Variants in SYNE1 observed in about 807,000 individuals in gnomAD.
The protein encoded by SYNE1 is spectrin repeat containing nuclear envelope protein 1, also known as nesprin-1.
Under a neutral mutation model 1,111.0 loss-of-function variants are expected in SYNE1, and 616 were observed. The ratio of observed to expected loss-of-function variants is 0.55; its 90% CI spans 0.52 to 0.59. SYNE1 has a LOEUF of 0.59. Among genes scored for constraint, SYNE1 ranks in the 20% least tolerant of loss-of-function variants. SYNE1 has a pLI of 0.00. For missense variants in SYNE1, 10,006 were observed against 10,417.0 expected (o/e 0.96, Z 1.72); for synonymous variants, 3,855 against 3,825.8 (o/e 1.01, Z -0.28).
At chr6:152,268,930 AC>A (rs1189934656) in intron 99 of SYNE1, among the ~76,000 whole-genome samples, 1 of 152,218 alleles carries the variant, frequency 6.6e-6, no homozygotes, top group Non-Finnish European at 1.5e-5. Context: ...CTATTTGTAA[AC>A]CTAAACACAA....
intron 95 of SYNE1, among the ~76,000 whole-genome samples, chr6:152,287,263 GA>G (rs967278259): frequency 1.3e-5 from 2 of 151,908 alleles, no homozygotes; most frequent in African/African-American, 4.8e-5. Flanking sequence ...AGAAAGAGGT[GA>G]AAATTCTTCT....
In SYNE1 at chr6:152,453,528, C is replaced by T. The variant is rs761255097; in HGVS notation, c.3027+58G>A. On this transcript the variant is annotated intron_variant, in intron 25 of 145. Transcript: ENST00000367255. The stretch of plus-strand genomic sequence containing the variant: ...TTTCTCTTACATTTGGACCTTAACA[C>T]GCTCAAGCTTCTCCCTTCATTGAGG... 2.9e-5 allele frequency: 47 copies of T among 1,613,246 alleles called. No homozygotes were observed. In the South Asian group the frequency reaches 3.7e-4, roughly 13 times the overall value.
chr6:152,522,438 G>A (rs926690501), intron 5 of SYNE1, among the ~76,000 whole-genome samples: 6 of 151,944 alleles, frequency 3.9e-5, no homozygotes, highest in South Asian at 2.1e-4. Context: ...TATATATCAC[G>A]TTTTCTTTAT....
At position 152,451,287 on chromosome 6, in the gene SYNE1, A is replaced by T. The variant is rs543112029; in HGVS notation, c.3028-82T>A. On this transcript the variant is annotated intron_variant, in intron 25 of 145. Coordinates refer to ENST00000367255, the MANE Select transcript of SYNE1 (RefSeq NM_182961.4). ...CCCAATTGAAGTGGCAAAAAAAAAAACAAAAACCATAACATATTCCTTTTA... is the reference window on the plus strand; with the variant it reads ...CCCAATTGAAGTGGCAAAAAAAAAATCAAAAACCATAACATATTCCTTTTA... The T allele has an allele frequency of 9.1e-6, 11 of 1,210,018 alleles. No individual in the cohort carries two copies. In the African/African-American group the frequency reaches 1.3e-4, roughly 14 times the overall value. 75.0% of individuals were successfully genotyped at this position (1,210,018 alleles called of 1,614,324 possible). A position where few individuals can be genotyped will look rare whatever the true frequency, so the allele number is the denominator to read the frequency against.
rs761843408 is a variant in SYNE1 at position 152,125,285 on chromosome 6, A to C, written c.26154-2609T>G. 19 of 1,550,478 alleles carry C rather than the reference A, an allele frequency of 1.2e-5. 1 individual carries two copies. The highest frequency in any genetic ancestry group is 1.7e-4 in the Middle Eastern group (1 of 5,992). Reference sequence around the variant, plus strand: ...TCACAGGTATCTCACATGTAGAAGCAAAGAAGAGAATCCTGAACTTGCATC... The same window carrying C: ...TCACAGGTATCTCACATGTAGAAGCCAAGAAGAGAATCCTGAACTTGCATC... On this transcript the variant is annotated intron_variant, in intron 145 of 145. Transcript: ENST00000367255.
At chr6:152,306,347 A>G (rs1287166383) in intron 91 of SYNE1, among the ~76,000 whole-genome samples, 4 of 151,896 alleles carry the variant, frequency 2.6e-5, no homozygotes, top group African/African-American at 9.7e-5. Flanking sequence ...TTATCAGGGC[A>G]TGGTGATGTG....
At chr6:152,167,772 GACTA>G (rs1319109061) in intron 130 of SYNE1, 3 of 559,154 alleles carry the variant, frequency 5.4e-6, no homozygotes, top group East Asian at 5.0e-5. Flanking sequence ...GCAGATGATG[GACTA>G]ACTGAGTCTT....
Position 152,331,774 on chromosome 6 carries a change from T to C in SYNE1, c.12911A>G (p.Glu4304Gly). The C allele has an allele frequency of 1.2e-6, 2 of 1,614,208 alleles. No individual in the cohort carries two copies. Among genetic ancestry groups the C allele is most frequent in the Non-Finnish European group, 1.7e-6 (2 of 1,180,042 alleles). Reference sequence around the variant, plus strand: ...CTCCTTGTCATCTAAATTCAGATGCTCTATCATTTTCTGCTTTTGATCTTT... The same window carrying C: ...CTCCTTGTCATCTAAATTCAGATGCCCTATCATTTTCTGCTTTTGATCTTT... ...DLKDQKQKMI[E>G]HLNLDDKELV... is the part of the protein sequence containing the mutation. Residue 4304 changes from glutamate (E) to glycine (G), a missense_variant, in exon 78 of 146, where the codon GAG (glutamate) becomes GGG (glycine). Physicochemically the swap from Glu to Gly is moderately conservative, Grantham distance 98 (BLOSUM62 -2). Around this residue, in one of 7 missense-constraint regions of SYNE1, gnomAD observed 4,955 missense variants for 5,017.2 expected, o/e 0.99. Coordinates refer to ENST00000367255, the MANE Select transcript of SYNE1 (RefSeq NM_182961.4).
In SYNE1 at chr6:152,381,170, T is replaced by C. The variant is rs2097407275; in HGVS notation, c.8845A>G (p.Ser2949Gly). 1 of 1,614,230 alleles carries C rather than the reference T, an allele frequency of 6.2e-7. No homozygotes were observed. Among genetic ancestry groups the C allele is most frequent in the Non-Finnish European group, 8.5e-7 (1 of 1,180,038 alleles). The change falls in exon 56 of 146, where the codon AGC (serine) becomes GGC (glycine). Residue 2949 changes from serine to glycine, a missense_variant. Around this residue, in one of 7 missense-constraint regions of SYNE1, gnomAD observed 4,955 missense variants for 5,017.2 expected, o/e 0.99. Transcript: ENST00000367255. ...QTQSCLENLV[S>G]QMALSEQEFS... ...TCCTGCTCCGAAAGGGCCATCTGGCTGACCAGGTTCTCCAAACAGCTCTGC... is the reference window on the plus strand; with the variant it reads ...TCCTGCTCCGAAAGGGCCATCTGGCCGACCAGGTTCTCCAAACAGCTCTGC...
At chr6:152,223,577 C>T (rs975856821) in intron 117 of SYNE1, among the ~76,000 whole-genome samples, 6 of 151,762 alleles carry the variant, frequency 4.0e-5, no homozygotes, top group Non-Finnish European at 8.8e-5. Context: ...GAGATAGCAC[C>T]ACTGCACTCC....
At chr6:152,359,581 T>G (rs371261180) in intron 64 of SYNE1, 123 bp from the exon 65 acceptor site, 6 of 1,172,106 alleles carry the variant, frequency 5.1e-6, no homozygotes, top group East Asian at 2.5e-5. Context: ...ATTCGTCCAC[T>G]CCTCCATCAT....
intron 144 of SYNE1, among the ~76,000 whole-genome samples, chr6:152,131,762 G>A (rs1016843399): frequency 3.3e-5 from 5 of 152,146 alleles, no homozygotes; most frequent in Non-Finnish European, 5.9e-5. Context: ...GAGGCGCCCC[G>A]CAAGTGGAGG....
chr6:152,330,006 C>T lies in SYNE1; in HGVS notation c.14679G>A (p.Met4893Ile). ...TCCTCAGCCAGTCCAGGGAGCGACT[C>T]ATCTCAGTCTGGAAGTCTATACTCT... The part of the protein sequence containing the change: ...MVQSIDFQTE[M>I]SRSLDWLRRV... Residue 4893 changes from methionine (M) to isoleucine (I), a missense_variant, in exon 78 of 146, where the codon ATG becomes ATA. Met to Ile is a conservative substitution (Grantham distance 10, BLOSUM62 1). This residue lies in a region of SYNE1 where 4,955 missense variants were observed against 5,017.2 expected (regional missense o/e 0.99). Coordinates refer to ENST00000367255, the MANE Select transcript of SYNE1 (RefSeq NM_182961.4). 6.2e-7 allele frequency: 1 copy of T among 1,614,202 alleles called. No individual in the cohort carries two copies. Among genetic ancestry groups the T allele is most frequent in the South Asian group, 1.1e-5 (1 of 91,080 alleles).
intron 2 of SYNE1, 50 bp from the exon 3 acceptor site, chr6:152,628,604 GT>G (rs2099690942): frequency 2.1e-6 from 1 of 469,732 alleles, no homozygotes; most frequent in African/African-American, 1.9e-5. Context: ...ATCTACGAAG[GT>G]CACCACAGTG....
chr6:152,387,487 C>G, intron 53 of SYNE1, 106 bp from the exon 54 acceptor site: 1 of 1,165,706 alleles, frequency 8.6e-7, no homozygotes, highest in Non-Finnish European at 1.2e-6. Flanking sequence ...TTGAATGCTA[C>G]TGGAAGTGAT....
At position 152,244,569 on chromosome 6, in the gene SYNE1, G is replaced by A. The variant is rs761609733; in HGVS notation, c.19660C>T (p.Gln6554Ter). 6.2e-7 allele frequency: 1 copy of A among 1,614,076 alleles called. No homozygotes were observed. The highest frequency in any genetic ancestry group is 8.5e-7 in the Non-Finnish European group (1 of 1,179,954). ...TTGGAGAGTTCTTGCATGGACGGCT[G>A]CTCGACCTGTAGCTTGTCACCACGC... ...KRRGDKLQVE[Q>*]PSMQELSKLQ... The change falls in exon 106 of 146, where the codon CAG (glutamine) becomes TAG (stop). Residue 6554 changes from glutamine to a stop codon, truncating the protein, a stop_gained. Coordinates refer to ENST00000367255, the MANE Select transcript of SYNE1 (RefSeq NM_182961.4). LOFTEE classifies it high-confidence loss of function.
intron 5 of SYNE1, among the ~76,000 whole-genome samples, chr6:152,520,849 T>A (rs1274621505): frequency 6.6e-6 from 1 of 152,210 alleles, no homozygotes; most frequent in Non-Finnish European, 1.5e-5. Flanking sequence ...CGACACAGTC[T>A]CATCATTGGT....
chr6:152,527,490 T>A (rs2099168956), intron 4 of SYNE1, among the ~76,000 whole-genome samples: 1 of 152,156 alleles, frequency 6.6e-6, no homozygotes, highest in Admixed American at 6.5e-5. Flanking sequence ...TCTAAGCATA[T>A]AAATAAAATT....
intron 14 of SYNE1, among the ~76,000 whole-genome samples, chr6:152,476,335 C>T (rs1379686502): frequency 1.3e-5 from 2 of 152,288 alleles, no homozygotes; most frequent in South Asian, 4.1e-4. Flanking sequence ...AGTTGCACAG[C>T]CCCCAAATCA....
Sources: allele counts gnomAD v4.1 joint callset (sites outside exome capture counted in the v4.1 genomes callset), GRCh38; gene constraint gnomAD v4.1.1; regional missense constraint gnomAD v4.1.1; transcripts MANE v1.5; gene names NCBI Gene and HGNC (gene_info 2026-07-23, HGNC 2026-07-21).